MORN3: variants seen among roughly 807,000 people sequenced by gnomAD.
The protein encoded by MORN3 is MORN repeat containing 3, also known as MORN repeat-containing protein 3.
A neutral mutation model predicts 34.7 loss-of-function variants in MORN3; 38 were observed. The ratio of observed to expected loss-of-function variants is 1.10; its 90% CI spans 0.85 to 1.44. MORN3 has a LOEUF of 1.44. Among genes scored for constraint, MORN3 ranks in the 40% most tolerant of loss-of-function variants. MORN3 has a pLI of 0.00. For missense variants in MORN3, 311 were observed against 321.7 expected (o/e 0.97, Z 0.25); for synonymous variants, 109 against 115.3 (o/e 0.95, Z 0.35).
At position 121,669,512 on chromosome 12, in the gene MORN3, G is replaced by A. The variant is rs758963356; in HGVS notation, c.-29C>T. 1.2e-6 allele frequency: 2 copies of A among 1,611,456 alleles called. No individual in the cohort carries two copies. The highest frequency in any genetic ancestry group is 1.7e-6 in the Non-Finnish European group (2 of 1,178,476). Reference sequence around the variant, plus strand: ...GGCTGCTTCTGCAAGGCTGGAGGGTGCTGGAAAGGGGTTAGGGACATCTGG... The same window carrying A: ...GGCTGCTTCTGCAAGGCTGGAGGGTACTGGAAAGGGGTTAGGGACATCTGG... On this transcript the variant is annotated 5_prime_UTR_variant, in exon 1 of 6. Coordinates refer to ENST00000355329, the MANE Select transcript of MORN3 (RefSeq NM_173855.5).
rs187142934 is a variant in MORN3 at position 121,657,878 on chromosome 12, A to T, written c.303+1313T>A. On this transcript the variant is annotated intron_variant, in intron 2 of 5. Transcript: ENST00000355329. ...CGAAACTCCATCTCAAAAAATAAAT[A>T]AATTAATAATAATAATAATAAAACT... is the stretch of plus-strand genomic sequence containing the variant. 6.0e-3 allele frequency among the ~76,000 whole-genome samples: 905 copies of T among 150,530 alleles called. 1 individual carries two copies. The highest frequency in any genetic ancestry group is 0.014 in the Middle Eastern group (4 of 292).
rs1452299164 is a variant in MORN3, at chr12:121,659,315, G to C, written c.179C>G (p.Ala60Gly). 1 of 1,613,766 alleles carries C rather than the reference G, an allele frequency of 6.2e-7. No individual in the cohort carries two copies. The highest frequency in any genetic ancestry group is 1.3e-5 in the African/African-American group (1 of 74,832). Residue 60 changes from alanine to glycine, a missense_variant, in exon 2 of 6, where the codon GCC becomes GGC. Ala to Gly is a moderately conservative substitution (Grantham distance 60). Transcript: ENST00000355329. ...AAACTTCCAGTCCCCCTCATAGATG[G>C]CTCCTTTCTTCTTCCAGACCTGTGT... ...KGTQVWKKKG[A>G]IYEGDWKFGK...
chr12:121,653,594 G>A (rs1330033879), intron 3 of MORN3, among the ~76,000 whole-genome samples: 1 of 152,060 alleles, frequency 6.6e-6, no homozygotes, highest in Non-Finnish European at 1.5e-5. Flanking sequence ...GACAACCTCC[G>A]CCTCCCGAGT....
intron 1 of MORN3, among the ~76,000 whole-genome samples, chr12:121,668,732 G>A (rs958896801): frequency 2.0e-5 from 3 of 152,138 alleles, no homozygotes; most frequent in African/African-American, 7.2e-5. Flanking sequence ...CAAAAAAAAA[G>A]AGTACAGAGT....
At chr12:121,660,600 T>C (rs1231282337) in intron 1 of MORN3, among the ~76,000 whole-genome samples, 2 of 151,544 alleles carry the variant, frequency 1.3e-5, no homozygotes, top group African/African-American at 4.8e-5. Context: ...CCGTCTGCCT[T>C]GGCCACCCAT....
chr12:121,671,089 C>A (rs573329937), upstream of MORN3, among the ~76,000 whole-genome samples: 1 of 127,802 alleles, frequency 7.8e-6, no homozygotes, highest in African/African-American at 3.0e-5. Flanking sequence ...CCAGCCTGGG[C>A]GAGACAGAGT....
Position 121,659,302 on chromosome 12 carries a change from C to A in MORN3, c.192G>T (p.Gly64=), listed in dbSNP as rs1893510559. The part of the protein sequence containing the change: ...VWKKKGAIYE[G]DWKFGKRDGY... ...CGTCTCGCTTCCCAAACTTCCAGTC[C>A]CCCTCATAGATGGCTCCTTTCTTCT... is the stretch of plus-strand genomic sequence containing the variant. The change falls in exon 2 of 6, where the codon GGG becomes GGT. Residue 64 remains glycine, a synonymous_variant. Coordinates refer to ENST00000355329, the MANE Select transcript of MORN3 (RefSeq NM_173855.5). 6 of 1,613,962 alleles carry A rather than the reference C, an allele frequency of 3.7e-6. No homozygotes were observed. The South Asian group carries it at 5.5e-5, about 15-fold the overall frequency.
In MORN3 at chr12:121,669,523, G is replaced by A. The variant is rs777004322; in HGVS notation, c.-40C>T. 5.0e-6 allele frequency: 8 copies of A among 1,609,844 alleles called. No individual in the cohort carries two copies. The Admixed American group carries it at 1.2e-4, about 24-fold the overall frequency. Reference sequence around the variant, plus strand: ...CAAGGCTGGAGGGTGCTGGAAAGGGGTTAGGGACATCTGGGGCTCAGCGCG... The same window carrying A: ...CAAGGCTGGAGGGTGCTGGAAAGGGATTAGGGACATCTGGGGCTCAGCGCG... On this transcript the variant is annotated 5_prime_UTR_variant, in exon 1 of 6. Transcript: ENST00000355329.
In MORN3 at chr12:121,650,524, CAAAAAAAAAAAAA is replaced by C. The variant is rs1162190039; in HGVS notation, c.*1114_*1126del. 6 of 23,320 alleles carry C rather than the reference CAAAAAAAAAAAAA, an allele frequency of 2.6e-4. No homozygotes were observed. Among genetic ancestry groups the C allele is most frequent in the African/African-American group, 1.0e-3 (6 of 5,736 alleles). 1.4% of individuals were successfully genotyped at this position (23,320 alleles called of 1,614,324 possible). On this transcript the variant is annotated 3_prime_UTR_variant, in exon 6 of 6. Coordinates refer to ENST00000355329, the MANE Select transcript of MORN3 (RefSeq NM_173855.5). ...TGGGTGACAGAGCAAGACTCTGTCT[CAAAAAAAAAAAAA>C]AAAAAAAAAAAAAGGCCAGGCTCGA...
At position 121,669,347 on chromosome 12, in the gene MORN3, A is replaced by G. The variant is rs866503893; in HGVS notation, c.137T>C (p.Val46Ala). The change falls in exon 1 of 6, where the codon GTG (valine) becomes GCG (alanine). Residue 46 changes from valine to alanine, a missense_variant. Transcript: ENST00000355329. ...CCCGGAGTCCCACTCACCGTGTTTC[A>G]CGTTGTCCTTCCACTCGCCCACATA... Reference protein sequence around the residue: ...DYYVGEWKDNVKHGKGTQVWK... With the variant: ...DYYVGEWKDNAKHGKGTQVWK... The G allele has an allele frequency of 3.1e-6, 5 of 1,613,248 alleles. No individual in the cohort carries two copies. Among genetic ancestry groups the G allele is most frequent in the Non-Finnish European group, 3.4e-6 (4 of 1,179,580 alleles).
At chr12:121,656,271 T>A (rs540003569) in intron 2 of MORN3, among the ~76,000 whole-genome samples, 1 of 152,136 alleles carries the variant, frequency 6.6e-6, no homozygotes, top group Non-Finnish European at 1.5e-5. Context: ...CCCTTTTTTT[T>A]CTTCCTGGCT....
At chr12:121,662,580 C>G (rs1000136023) in intron 1 of MORN3, among the ~76,000 whole-genome samples, 4 of 151,804 alleles carry the variant, frequency 2.6e-5, no homozygotes, top group Non-Finnish European at 5.9e-5. Flanking sequence ...ATGGTGAAAC[C>G]CCGTCTCTAC....
intron 2 of MORN3, among the ~76,000 whole-genome samples, chr12:121,658,038 C>T (rs1373226453): frequency 6.6e-6 from 1 of 152,010 alleles, no homozygotes; most frequent in Non-Finnish European, 1.5e-5. Flanking sequence ...CCAATCAGCA[C>T]TCCTGGTTCA....
At chr12:121,654,709 T>C (rs1432616523) in intron 2 of MORN3, among the ~76,000 whole-genome samples, 1 of 151,996 alleles carries the variant, frequency 6.6e-6, no homozygotes, top group Admixed American at 6.6e-5. Flanking sequence ...GTGATTCTCC[T>C]GCCTCAGCCT....
intron 1 of MORN3, among the ~76,000 whole-genome samples, chr12:121,660,033 A>T (rs1893531928): frequency 6.6e-6 from 1 of 151,510 alleles, no homozygotes; most frequent in Admixed American, 6.6e-5. Flanking sequence ...CAGGAGTTCG[A>T]GACCAGCCTG....
At chr12:121,656,841 G>T (rs535590034) in intron 2 of MORN3, among the ~76,000 whole-genome samples, 1 of 152,058 alleles carries the variant, frequency 6.6e-6, no homozygotes, top group Non-Finnish European at 1.5e-5. Flanking sequence ...AATTCTCTAG[G>T]CTGGGCTTGA....
chr12:121,671,568 C>T (rs1245892908), upstream of MORN3, among the ~76,000 whole-genome samples: 1 of 151,774 alleles, frequency 6.6e-6, no homozygotes, highest in Non-Finnish European at 1.5e-5. Flanking sequence ...TGACTGAGCT[C>T]CAAGGTCTCT....
At chr12:121,654,226 C>CCGGGGGCGTGGTCGGGTGGG in intron 3 of MORN3, 48 bp downstream of exon 3, 2 of 1,317,918 alleles carry the variant, frequency 1.5e-6, no homozygotes, top group Non-Finnish European at 2.0e-6. Flanking sequence ...CAGCTCGCTG[C>CCGGGGGCGTGGTCGGGTGGG]CGGGGGCGTG....
At position 121,659,396 on chromosome 12, in the gene MORN3, T is replaced by TG. The variant is rs763350898; in HGVS notation, c.146-49dup. 2.5e-6 allele frequency: 4 copies of TG among 1,574,786 alleles called. No homozygotes were observed. In the South Asian group the frequency reaches 4.5e-5, roughly 18 times the overall value. On this transcript the variant is annotated intron_variant, in intron 1 of 5. Transcript: ENST00000355329. ...TGCTGCAGACATGGCCGCCGGGGGG[T>TG]GGGGGTGGTGTGCCTGCCTGAGCCT... is the stretch of plus-strand genomic sequence containing the variant.
Sources: gnomAD v4.1 joint callset for allele counts (sites outside exome capture counted in the v4.1 genomes callset) on GRCh38, gnomAD v4.1.1 for gene constraint, MANE v1.5 for transcripts, NCBI Gene and HGNC (gene_info 2026-07-23, HGNC 2026-07-21) for gene names.